CNTN4: variants seen among roughly 807,000 people sequenced by gnomAD.
CNTN4 encodes contactin-4.
CNTN4 carries 77 observed loss-of-function variants against 122.5 expected under a neutral mutation model. That is an observed-to-expected ratio of 0.63 (90% confidence interval 0.52 to 0.76). The LOEUF (loss-of-function observed/expected upper bound fraction) is 0.76. Among genes scored for constraint, CNTN4 ranks in the 30% least tolerant of loss-of-function variants. The probability of loss-of-function intolerance (pLI) is 0.00; values close to 1 mark genes in which losing one functional copy is unlikely to be tolerated. For missense variants in CNTN4, 1,256 were observed against 1,259.1 expected, an observed-to-expected ratio of 1.00 and a Z score of 0.04; for synonymous variants, 512 against 447.0, an observed-to-expected ratio of 1.15 and a Z score of -1.83.
chr3:2,956,994 A>G (rs565839270), intron 13 of CNTN4, among the ~76,000 whole-genome samples: 28 of 152,302 alleles, frequency 1.8e-4, no homozygotes, highest in African/African-American at 6.5e-4. Flanking sequence ...GCTGAGTAAT[A>G]GTCCGCTGTA....
intron 5 of CNTN4, among the ~76,000 whole-genome samples, chr3:2,738,877 C>A (rs1019257279): frequency 2.0e-5 from 3 of 151,956 alleles, no homozygotes; most frequent in African/African-American, 7.2e-5. Flanking sequence ...AGAAAAAATA[C>A]AACTTATAAA....
intron 7 of CNTN4, among the ~76,000 whole-genome samples, chr3:2,861,914 G>A (rs2093675283): frequency 6.6e-6 from 1 of 152,146 alleles, no homozygotes; most frequent in Non-Finnish European, 1.5e-5. Context: ...TTATAGATAA[G>A]GAAAACTGAT....
chr3:2,731,076 G>A (rs192000360), intron 4 of CNTN4, among the ~76,000 whole-genome samples: 5 of 150,666 alleles, frequency 3.3e-5, no homozygotes, highest in African/African-American at 1.2e-4. Context: ...TTTTTATTCT[G>A]TAACCTAGGA....
At chr3:2,858,050 G>T (rs1178321719) in intron 7 of CNTN4, among the ~76,000 whole-genome samples, 1 of 152,178 alleles carries the variant, frequency 6.6e-6, no homozygotes, top group Non-Finnish European at 1.5e-5. Flanking sequence ...ATGGAGTAGG[G>T]AATGGTAGAG....
intron 6 of CNTN4, among the ~76,000 whole-genome samples, chr3:2,771,075 G>C (rs2091075782): frequency 6.6e-6 from 1 of 152,178 alleles, no homozygotes; most frequent in Non-Finnish European, 1.5e-5. Flanking sequence ...TCTTCACAGA[G>C]ATTTGTTTCC....
At chr3:2,203,969 T>A (rs2038225517) in intron 2 of CNTN4, among the ~76,000 whole-genome samples, 1 of 152,320 alleles carries the variant, frequency 6.6e-6, no homozygotes, top group African/African-American at 2.4e-5. Flanking sequence ...TTCATATATG[T>A]GTATATATGA....
chr3:2,841,254 T>C lies in CNTN4; in HGVS notation c.454+21673T>C, dbSNP rs1389820509. Among the ~76,000 whole-genome samples the C allele has an allele frequency of 6.6e-6, 1 of 152,218 alleles. No homozygotes were observed. Among genetic ancestry groups the C allele is most frequent in the East Asian group, 1.9e-4 (1 of 5,196 alleles). On this transcript the variant is annotated intron_variant, in intron 7 of 24. Transcript: ENST00000418658. This position sits in a 1 kb window ranked among gnomAD's most constrained non-coding sequence, Gnocchi z 4.8. ...TGGATTTTAACTTTTAACCCAGTTT[T>C]TCAGATGTGTTAATATATAGTGCAA...
At chr3:2,943,034 G>A (rs945205348) in intron 13 of CNTN4, among the ~76,000 whole-genome samples, 12 of 152,154 alleles carry the variant, frequency 7.9e-5, no homozygotes, top group Non-Finnish European at 1.2e-4. Flanking sequence ...CAAAGAATAG[G>A]GAGTGCACCT....
chr3:2,450,032 G>T (rs1436886827), intron 3 of CNTN4, among the ~76,000 whole-genome samples: 1 of 152,120 alleles, frequency 6.6e-6, no homozygotes, highest in African/African-American at 2.4e-5. Flanking sequence ...ACAACATAGT[G>T]CTTATAGTTA....
Position 2,174,006 on chromosome 3 carries a change from T to A in CNTN4, c.-145+73367T>A, listed in dbSNP as rs1340904795. Among the ~76,000 whole-genome samples the A allele has an allele frequency of 3.3e-5, 5 of 152,016 alleles. No individual in the cohort carries two copies. In the East Asian group the frequency reaches 7.7e-4, roughly 24 times the overall value. On this transcript the variant is annotated intron_variant, in intron 2 of 24. Coordinates refer to ENST00000418658, the MANE Select transcript of CNTN4 (RefSeq NM_175607.3). ...AGGGTGACGATCTTGAGGTAAGAAG[T>A]TTTTGCATCCCTCTAGCATATTTTA...
intron 3 of CNTN4, among the ~76,000 whole-genome samples, chr3:2,397,112 C>T (rs1481664356): frequency 6.6e-6 from 1 of 152,078 alleles, no homozygotes; most frequent in African/African-American, 2.4e-5. Flanking sequence ...AAGAAAACTG[C>T]CTGAAAGTAA....
At chr3:2,646,415 C>G (rs895454232) in intron 4 of CNTN4, among the ~76,000 whole-genome samples, 1 of 152,072 alleles carries the variant, frequency 6.6e-6, no homozygotes, top group South Asian at 2.1e-4. Flanking sequence ...TTAGTTTCTT[C>G]GTGTGTAATT....
chr3:2,696,341 G>A (rs2086033330), intron 4 of CNTN4, among the ~76,000 whole-genome samples: 1 of 152,214 alleles, frequency 6.6e-6, no homozygotes, highest in African/African-American at 2.4e-5. Context: ...CATCATGGTG[G>A]TATGAAGAGA....
chr3:2,718,728 T>C (rs182019745), intron 4 of CNTN4, among the ~76,000 whole-genome samples: 1 of 152,210 alleles, frequency 6.6e-6, no homozygotes, highest in Non-Finnish European at 1.5e-5. Context: ...TTTATTTCTG[T>C]AATTTCTCAA....
At chr3:2,708,727 TCACACACACACACACACACACACACA>T (rs10530575) in intron 4 of CNTN4, among the ~76,000 whole-genome samples, 11 of 150,892 alleles carry the variant, frequency 7.3e-5, no homozygotes, top group Non-Finnish European at 1.3e-4. Flanking sequence ...CACGCGCGCA[TCACACACACACACACACACACACACA>T]CACACACACA....
intron 2 of CNTN4, among the ~76,000 whole-genome samples, chr3:2,188,692 G>T (rs1195030542): frequency 6.6e-6 from 1 of 152,174 alleles, no homozygotes; most frequent in South Asian, 2.1e-4. Context: ...CAGAAAGGCA[G>T]TAATTAGGGC....
At chr3:2,892,924 T>C (rs1316748590) in intron 10 of CNTN4, among the ~76,000 whole-genome samples, 3 of 152,190 alleles carry the variant, frequency 2.0e-5, no homozygotes, top group African/African-American at 7.2e-5. Context: ...GAATCACAGC[T>C]AGAACTGCTT....
rs142358996 is a variant in CNTN4, at chr3:2,346,538, A to C, written c.-89+7305A>C. ...AGCTTCTTTTAATGGTAAACTCTCT[A>C]ATTTTTTTGTATCACTAAATATTTT... On this transcript the variant is annotated intron_variant, in intron 3 of 24. Transcript: ENST00000418658. Among the ~76,000 whole-genome samples the C allele has an allele frequency of 1.1e-3, 173 of 152,118 alleles. 1 individual carries two copies. The highest frequency in any genetic ancestry group is 4.0e-3 in the African/African-American group (166 of 41,474).
At chr3:2,143,783 A>T (rs747150948) in intron 2 of CNTN4, among the ~76,000 whole-genome samples, 1 of 152,340 alleles carries the variant, frequency 6.6e-6, no homozygotes, top group East Asian at 1.9e-4. Context: ...TCAGTAATCA[A>T]ATTGCTGTGC....
Sources: gnomAD v4.1 joint callset for allele counts (sites outside exome capture counted in the v4.1 genomes callset) on GRCh38, gnomAD v4.1.1 for gene constraint, Gnocchi (gnomAD v3.1) non-coding constraint, MANE v1.5 for transcripts, NCBI Gene and HGNC (gene_info 2026-07-23, HGNC 2026-07-21) for gene names.